The following GJE1 variants were observed in gnomAD, a reference collection of about 807,000 sequenced individuals.
GJE1 encodes the protein gap junction epsilon-1 protein.
Under a neutral mutation model 6.2 loss-of-function variants are expected in GJE1, and 9 were observed. That is an observed-to-expected ratio of 1.45 (90% CI 0.87 to 2.52). GJE1 has a LOEUF of 2.52. Ranked by LOEUF, GJE1 falls within the 30% of genes most tolerant of loss-of-function variation. GJE1 has a pLI of 0.00. For synonymous variants in GJE1, 65 were observed against 30.1 expected (o/e 2.16, Z -3.80); for missense variants, 190 against 87.7 (o/e 2.17, Z -4.66).
chr6:142,135,110 T>G, exon 3 of GJE1: 1 of 319,680 alleles, frequency 3.1e-6, no homozygotes, highest in East Asian at 5.0e-5. Context: ...TTTGATCACT[T>G]TTATTAGAAA....
At chr6:142,133,723 T>C in intron 1 of GJE1, 127 bp from the exon 2 acceptor site, 1 of 511,366 alleles carries the variant, frequency 2.0e-6, no homozygotes, top group Non-Finnish European at 3.5e-6. Flanking sequence ...TGATGATCTC[T>C]AAGGGTCTAT....
chr6:142,133,767 T>C lies in GJE1; in HGVS notation c.40-83T>C, dbSNP rs1051505173. 1.5e-5 allele frequency: 8 copies of C among 530,730 alleles called. No homozygotes were observed. In the African/African-American group the frequency reaches 1.5e-4, roughly 10 times the overall value. 32.9% of individuals were successfully genotyped at this position (530,730 alleles called of 1,614,324 possible). On this transcript the variant is annotated intron_variant, in intron 1 of 2. Transcript: ENST00000450456. ...AAAACTTCTTGACTCTTACATTTTT[T>C]AAATGTGATATAAGGATTTTTTTAA...
chr6:142,134,631 G>A (rs569490784), exon 3 of GJE1: 44 of 685,382 alleles, frequency 6.4e-5, no homozygotes, highest in Admixed American at 2.9e-4. Context: ...TTCTTCAAAA[G>A]CCTATCTACA....
chr6:142,133,146 C>A (rs1778174807), exon 1 of GJE1: 1 of 668,786 alleles, frequency 1.5e-6, no homozygotes, highest in Non-Finnish European at 2.7e-6. Flanking sequence ...GCCAGGATAA[C>A]ATCTCCTGAG....
upstream of GJE1, among the ~76,000 whole-genome samples, chr6:142,132,939 G>C (rs1229913006): frequency 6.6e-6 from 1 of 152,058 alleles, no homozygotes; most frequent in African/African-American, 2.4e-5. Context: ...CTCTGCTTTT[G>C]TTTCTTTGTT....
intron 1 of GJE1, 67 bp downstream of exon 1, chr6:142,133,264 T>C: frequency 1.7e-6 from 1 of 572,450 alleles, no homozygotes; most frequent in Non-Finnish European, 3.2e-6. Flanking sequence ...CTGAATTGCA[T>C]AAGTCTTGGT....
intron 2 of GJE1, among the ~76,000 whole-genome samples, chr6:142,134,321 T>C (rs1184909219): frequency 6.6e-6 from 1 of 152,156 alleles, no homozygotes; most frequent in African/African-American, 2.4e-5. Flanking sequence ...TTATCAGTCA[T>C]TGAGAGGCAA....
downstream of GJE1, chr6:142,135,167 A>G: frequency 4.7e-6 from 1 of 212,514 alleles, no homozygotes; most frequent in East Asian, 1.0e-4. Flanking sequence ...GTGCTTTTAC[A>G]GAGTTCTCTC....
At chr6:142,134,881 G>A (rs1027065639) in exon 3 of GJE1, 9 of 622,314 alleles carry the variant, frequency 1.4e-5, no homozygotes, top group Non-Finnish European at 2.6e-5. Flanking sequence ...TGAGATTTTT[G>A]AGATCATATT....
chr6:142,134,135 T>G (rs540314280), intron 2 of GJE1, 91 bp downstream of exon 2: 3 of 519,662 alleles, frequency 5.8e-6, no homozygotes, highest in African/African-American at 3.8e-5. Flanking sequence ...TAACAGGTTT[T>G]TTGTTCCTAA....
exon 3 of GJE1, chr6:142,135,068 T>C (rs980018001): frequency 2.0e-5 from 8 of 390,488 alleles, no homozygotes; most frequent in East Asian, 3.7e-5. Flanking sequence ...GGTTGTAAGG[T>C]AAGGATTCTT....
At chr6:142,134,404 T>A (rs949563658) in intron 2 of GJE1, 135 bp from the exon 3 acceptor site, 2 of 452,206 alleles carry the variant, frequency 4.4e-6, no homozygotes, top group African/African-American at 2.0e-5. Flanking sequence ...TTAAGACACA[T>A]ATAAGATTTT....
chr6:142,134,061 TAACTCTACAA>T lies in GJE1; in HGVS notation c.234+18_234+27del, dbSNP rs1229828314. 3.1e-6 allele frequency: 2 copies of T among 651,686 alleles called. No individual in the cohort carries two copies. Among genetic ancestry groups the T allele is most frequent in the African/African-American group, 3.6e-5 (2 of 56,250 alleles). The allele number at this position is 651,686 out of a possible 1,614,324, so 40.4% of individuals were successfully genotyped here. On this transcript the variant is annotated intron_variant, in intron 2 of 2. Transcript: ENST00000450456. ...AGTTTTTCTGTGTGCACATAAACAT[TAACTCTACAA>T]CAAACTCATTTTCTCTTTAAATGTA... is the stretch of plus-strand genomic sequence containing the variant.
chr6:142,133,734 T>A (rs1174074688), intron 1 of GJE1, 116 bp from the exon 2 acceptor site: 2 of 521,782 alleles, frequency 3.8e-6, no homozygotes, highest in African/African-American at 3.8e-5. Flanking sequence ...AAGGGTCTAT[T>A]TGGCTTCAAA....
intron 1 of GJE1, 120 bp downstream of exon 1, chr6:142,133,317 A>G (rs1357407918): frequency 2.3e-6 from 1 of 425,704 alleles, no homozygotes; most frequent in African/African-American, 2.0e-5. Context: ...TTAAGTGTCA[A>G]CCATATACTT....
downstream of GJE1, among the ~76,000 whole-genome samples, chr6:142,135,350 T>A (rs1778233301): frequency 2.0e-5 from 3 of 152,144 alleles, no homozygotes; most frequent in South Asian, 6.2e-4. Context: ...GAGGGTGTAA[T>A]TATTTTGCAT....
intron 1 of GJE1, among the ~76,000 whole-genome samples, chr6:142,133,536 G>A (rs1291680343): frequency 1.3e-5 from 2 of 152,076 alleles, no homozygotes; most frequent in Admixed American, 6.6e-5. Context: ...TCAAAAAGAA[G>A]TATTAGATAT....
chr6:142,134,983 C>T (rs978315335), exon 3 of GJE1: 8 of 481,542 alleles, frequency 1.7e-5, no homozygotes, highest in Admixed American at 3.9e-5. Context: ...TTTTATCTTA[C>T]TCAGTGAGTA....
At chr6:142,135,058 G>A (rs931743103) in exon 3 of GJE1, 2 of 409,276 alleles carry the variant, frequency 4.9e-6, no homozygotes, top group Non-Finnish European at 8.7e-6. Context: ...TATAGTGCCT[G>A]GTTGTAAGGT....
Sources: gnomAD v4.1 joint callset for allele counts (sites outside exome capture counted in the v4.1 genomes callset) on GRCh38, gnomAD v4.1.1 for gene constraint, MANE v1.5 for transcripts, NCBI Gene and HGNC (gene_info 2026-07-23, HGNC 2026-07-21) for gene names.